TTN: variants seen among roughly 807,000 people sequenced by gnomAD.
TTN encodes titin.
A neutral mutation model predicts 3,223.0 loss-of-function variants in TTN; 1,525 were observed. That is an observed-to-expected ratio of 0.47 (90% CI 0.45 to 0.49). TTN has a LOEUF of 0.49. TTN is among the 20% of genes least tolerant of loss of function. The probability of loss-of-function intolerance (pLI) is 0.00; values close to 1 mark genes in which losing one functional copy is unlikely to be tolerated. For synonymous variants in TTN, 14,094 were observed against 15,161.0 expected, an observed-to-expected ratio of 0.93 and a Z score of 5.17; for missense variants, 40,786 against 43,424.0, an observed-to-expected ratio of 0.94 and a Z score of 5.40.
rs72646869 is a variant in TTN at position 178,581,654 on chromosome 2, C to T, written c.66614G>A (p.Arg22205Lys). 0.018 allele frequency: 28,804 copies of T among 1,612,710 alleles called. 318 individuals carry two copies. The highest frequency in any genetic ancestry group is 0.022 in the Non-Finnish European group (25,680 of 1,179,252). ...VKRADSDNWV[R>K]CNLPQNLQKT... Reference sequence around the variant, plus strand: ...CTGTAGATTCTGTGGTAAGTTGCACCTCACCCAGTTATCGGAGTCAGCCCG... The same window carrying T: ...CTGTAGATTCTGTGGTAAGTTGCACTTCACCCAGTTATCGGAGTCAGCCCG... Residue 22205 changes from arginine (R) to lysine (K), a missense_variant, in exon 316 of 363, where the codon AGG becomes AAG. Transcript: ENST00000589042.
At chr2:178,671,013 T>C in intron 156 of TTN, 77 bp downstream of exon 156, 1 of 1,039,432 alleles carries the variant, frequency 9.6e-7, no homozygotes, top group South Asian at 1.6e-5. Flanking sequence ...TCAAGTGGAA[T>C]GCAAACTTGT....
At chr2:178,673,564 GAA>G in intron 152 of TTN, 67 bp downstream of exon 152, 2 of 1,300,262 alleles carry the variant, frequency 1.5e-6, no homozygotes, top group Non-Finnish European at 2.1e-6. Flanking sequence ...AGTCAAAAAA[GAA>G]AATGTTGCTT....
chr2:178,582,765 T>C, intron 313 of TTN, 173 bp from the exon 314 acceptor site: 1 of 918,626 alleles, frequency 1.1e-6, no homozygotes, highest in Non-Finnish European at 1.5e-6. Flanking sequence ...AATTGAAATA[T>C]GTGATTTCTA....
At position 178,636,490 on chromosome 2, in the gene TTN, A is replaced by G; in HGVS notation, c.41237T>C (p.Ile13746Thr). 4 of 1,613,394 alleles carry G rather than the reference A, an allele frequency of 2.5e-6. No individual in the cohort carries two copies. The highest frequency in any genetic ancestry group is 1.1e-5 in the South Asian group (1 of 91,072). ...ACCAGCATCGGAAAGTTGAACATCA[A>G]TGATGTGCAGCTTTCTGTCTTTACC... ...ADGKDRKLHIIDVQLSDAGEY... is the reference protein window; with the variant it reads ...ADGKDRKLHITDVQLSDAGEY... Residue 13746 changes from isoleucine (I) to threonine (T), a missense_variant, in exon 225 of 363, where the codon ATT becomes ACT. Transcript: ENST00000589042. The surrounding 1 kb of genome is among the most constrained non-coding windows in gnomAD (Gnocchi z 4.3).
At chr2:178,719,946 A>G in intron 81 of TTN, 37 bp downstream of exon 81, 1 of 1,552,946 alleles carries the variant, frequency 6.4e-7, no homozygotes, top group East Asian at 2.3e-5. Context: ...TGGATCAAGT[A>G]AATTGATTTT....
In TTN at chr2:178,701,717, C is replaced by T. The variant is rs1161118622; in HGVS notation, c.30539-130G>A. ...CTAATGGCAGAATCTAATATACAGACAAAATAATATTAGTATTCTTTTGTA... is the reference window on the plus strand; with the variant it reads ...CTAATGGCAGAATCTAATATACAGATAAAATAATATTAGTATTCTTTTGTA... On this transcript the variant is annotated intron_variant, in intron 109 of 362. Coordinates refer to ENST00000589042, the MANE Select transcript of TTN (RefSeq NM_001267550.2). 3 of 909,892 alleles carry T rather than the reference C, an allele frequency of 3.3e-6. No homozygotes were observed. The East Asian group carries it at 7.8e-5, about 24-fold the overall frequency. 56.4% of individuals were successfully genotyped at this position (909,892 alleles called of 1,614,324 possible).
In TTN at chr2:178,617,439, A is replaced by C; in HGVS notation, c.47646T>G (p.Pro15882=). The part of the protein sequence containing the change: ...TQSSVQLKWE[P]PLKDGGSPIL... ...TTGGGCTTCCTCCATCTTTCAGAGG[A>C]GGTTCCCATTTGAGCTGAACTGATG... Residue 15882 remains proline, a synonymous_variant, in exon 254 of 363, where the codon CCT becomes CCG. Transcript: ENST00000589042. 6.3e-7 allele frequency: 1 copy of C among 1,597,038 alleles called. No individual in the cohort carries two copies. The highest frequency in any genetic ancestry group is 8.5e-7 in the Non-Finnish European group (1 of 1,174,822).
rs903635675 is a variant in TTN at position 178,733,865 on chromosome 2, T to C, written c.15524A>G (p.Asp5175Gly). The change falls in exon 53 of 363, where the codon GAT becomes GGT. Residue 5175 changes from aspartate (D) to glycine (G), a missense_variant. Transcript: ENST00000589042. ...TTGTCCTCCTAGTGCAATCAAATCA[T>C]CTACTTTCTTTACAAAGGTTGGAGG... ...KEPPTFVKKV[D>G]DLIALGGQTV... 6.2e-7 allele frequency: 1 copy of C among 1,601,822 alleles called. No individual in the cohort carries two copies.
chr2:178,709,238 A>G (rs2076302779), intron 99 of TTN, among the ~76,000 whole-genome samples: 3 of 152,210 alleles, frequency 2.0e-5, no homozygotes, highest in Admixed American at 2.0e-4. Flanking sequence ...AAAAATTTCA[A>G]AACAAATGTG....
rs753196873 is a variant in TTN, at chr2:178,800,408, T to C, written c.570A>G (p.Glu190=). The stretch of plus-strand genomic sequence containing the variant: ...TCCAGCACGTACCTTGAACCAGTAA[T>C]TCAGCAGTCGAAGTAGCTCTTCCAA... The part of the protein sequence containing the change: ...NSVGRATSTA[E]LLVQGEEEVP... The change falls in exon 4 of 363, where the codon GAA becomes GAG. Residue 190 remains glutamate (E), a synonymous_variant. Transcript: ENST00000589042. The C allele has an allele frequency of 6.2e-7, 1 of 1,614,140 alleles. No individual in the cohort carries two copies. The highest frequency in any genetic ancestry group is 8.5e-7 in the Non-Finnish European group (1 of 1,179,984).
rs727503705 is a variant in TTN at position 178,793,511 on chromosome 2, T to A, written c.1429A>T (p.Thr477Ser). ...TTATCGGCGGCCACTACTACCTTAG[T>A]TACAGCAGTCTTCTCCGCTTCCTTT... ...VRKEAEKTAV[T>S]KVVVAADKAK... Residue 477 changes from threonine to serine, a missense_variant, in exon 9 of 363, where the codon ACT (threonine) becomes TCT (serine). Coordinates refer to ENST00000589042, the MANE Select transcript of TTN (RefSeq NM_001267550.2). 23 of 1,613,970 alleles carry A rather than the reference T, an allele frequency of 1.4e-5. No individual in the cohort carries two copies. The highest frequency in any genetic ancestry group is 1.9e-5 in the Non-Finnish European group (23 of 1,180,020).
chr2:178,549,802 CCA>C lies in TTN; in HGVS notation c.91918_91919del (p.Trp30640ValfsTer7), dbSNP rs1438295177. 1 of 1,608,522 alleles carries C rather than the reference CCA, an allele frequency of 6.2e-7. No homozygotes were observed. Among genetic ancestry groups the C allele is most frequent in the Non-Finnish European group, 8.5e-7 (1 of 1,175,742 alleles). The stretch of plus-strand genomic sequence containing the variant: ...AACCGTCATTGAGTGGGGCATCCCA[CCA>C]CAGAGTCATCTTCTCCCCAGTAATA... ...TNITGEKMTL[W>X]WDAPLNDGCA... is the part of the protein sequence containing the mutation. On this transcript the variant is annotated frameshift_variant, in exon 338 of 363. Transcript: ENST00000589042. LOFTEE classifies it high-confidence loss of function.
chr2:178,756,563 A>T lies in TTN; in HGVS notation c.10913T>A (p.Leu3638His). The T allele has an allele frequency of 1.2e-6, 2 of 1,611,428 alleles. No homozygotes were observed. The highest frequency in any genetic ancestry group is 2.7e-5 in the African/African-American group (2 of 74,938). ...CTCAGTGCTTTCTGCAATTTGTGAA[A>T]GGGATGCAGTATGGCACAACTGTGT... ...QDTQLCHTAS[L>H]SQIAESTELS... is the part of the protein sequence containing the mutation. The change falls in exon 46 of 363, where the codon CTT becomes CAT. Residue 3638 changes from leucine (L) to histidine (H), a missense_variant. Transcript: ENST00000589042.
At chr2:178,803,683 C>T (rs1022326002) in intron 2 of TTN, among the ~76,000 whole-genome samples, 3 of 151,438 alleles carry the variant, frequency 2.0e-5, no homozygotes, top group Non-Finnish European at 4.4e-5. Flanking sequence ...CATGGAAGTG[C>T]ACTAAATTAA....
At chr2:178,699,005 A>G (rs1162710809) in intron 111 of TTN, 91 bp from the exon 112 acceptor site, 2 of 1,281,356 alleles carry the variant, frequency 1.6e-6, no homozygotes, top group African/African-American at 3.0e-5. Flanking sequence ...TTATTGAAAT[A>G]TTTTATTTTT....
rs763550644 is a variant in TTN, at chr2:178,568,649, G to T, written c.77483C>A (p.Thr25828Asn). ...GAGACCATCTTTAGTCCAGGTAATG[G>T]TTGGCTTAGGACGTCCAGAAATTGG... The part of the protein sequence containing the change: ...EVPISGRPKP[T>N]ITWTKDGLPL... The change falls in exon 326 of 363, where the codon ACC becomes AAC. Residue 25828 changes from threonine to asparagine, a missense_variant. Physicochemically the swap from Thr to Asn is moderately conservative, Grantham distance 65. Coordinates refer to ENST00000589042, the MANE Select transcript of TTN (RefSeq NM_001267550.2). 67 of 1,613,238 alleles carry T rather than the reference G, an allele frequency of 4.2e-5. No homozygotes were observed. The East Asian group carries it at 1.5e-3, about 35-fold the overall frequency.
chr2:178,578,978 C>T lies in TTN; in HGVS notation c.68052G>A (p.Arg22684=), dbSNP rs770247697. Reference sequence around the variant, plus strand: ...TCACCCACTTGTTGTTCACAGAATCCCTCTTCTCTAGGATATAGTTGGTGA... The same window carrying T: ...TCACCCACTTGTTGTTCACAGAATCTCTCTTCTCTAGGATATAGTTGGTGA... ...SEITNYILEK[R]DSVNNKWVTC... The change falls in exon 320 of 363, where the codon AGG becomes AGA. Residue 22684 remains arginine, a synonymous_variant. Coordinates refer to ENST00000589042, the MANE Select transcript of TTN (RefSeq NM_001267550.2). 5.6e-6 allele frequency: 9 copies of T among 1,613,060 alleles called. No individual in the cohort carries two copies. In the South Asian group the frequency reaches 9.9e-5, roughly 18 times the overall value.
intron 47 of TTN, chr2:178,747,334 A>T (rs1419203788): frequency 6.2e-7 from 1 of 1,613,206 alleles, no homozygotes; most frequent in Admixed American, 1.7e-5. Flanking sequence ...CAACTGTCTC[A>T]CCTCCTGAAT....
chr2:178,702,759 A>G, intron 106 of TTN, 96 bp from the exon 107 acceptor site: 1 of 1,272,806 alleles, frequency 7.9e-7, no homozygotes, highest in East Asian at 2.5e-5. Context: ...CCATCTTTGT[A>G]CCCAGTTATA....
Sources: allele counts gnomAD v4.1 joint callset (sites outside exome capture counted in the v4.1 genomes callset), GRCh38; gene constraint gnomAD v4.1.1; non-coding constraint Gnocchi (gnomAD v3.1); transcripts MANE v1.5; gene names NCBI Gene and HGNC (gene_info 2026-07-23, HGNC 2026-07-21).